Variants in DLGAP1 observed in about 807,000 individuals in gnomAD.
DLGAP1 encodes disks large-associated protein 1.
In DLGAP1, 11 loss-of-function variants were observed where a neutral mutation model predicts 90.8. The ratio of observed to expected loss-of-function variants is 0.12; its 90% CI spans 0.08 to 0.20. DLGAP1 has a LOEUF of 0.20. Ranked by LOEUF, DLGAP1 falls within the 10% of genes least tolerant of loss-of-function variation. DLGAP1 has a pLI of 1.00. For synonymous variants in DLGAP1, 558 were observed against 540.7 expected, an observed-to-expected ratio of 1.03 and a Z score of -0.44; for missense variants, 1,050 against 1,333.8, an observed-to-expected ratio of 0.79 and a Z score of 3.31.
chr18:3,566,301 C>A (rs139308085), intron 9 of DLGAP1, among the ~76,000 whole-genome samples: 2,684 of 151,964 alleles, frequency 0.018, 36 homozygotes, highest in Middle Eastern at 0.034. Context: ...ATGATCGTAC[C>A]AGTTTTCTGG....
At chr18:3,713,902 A>G (rs1216032911) in intron 7 of DLGAP1, among the ~76,000 whole-genome samples, 1 of 152,200 alleles carries the variant, frequency 6.6e-6, no homozygotes, top group Non-Finnish European at 1.5e-5. Context: ...ATGTTGGATT[A>G]CATAGGAAAA....
At chr18:4,075,354 G>A (rs2075507928) in intron 2 of DLGAP1, among the ~76,000 whole-genome samples, 1 of 152,124 alleles carries the variant, frequency 6.6e-6, no homozygotes, top group Non-Finnish European at 1.5e-5. Context: ...TAGGGAGAAA[G>A]CAAATATAAC....
At chr18:3,964,783 G>C (rs2073285433) in intron 3 of DLGAP1, among the ~76,000 whole-genome samples, 1 of 152,122 alleles carries the variant, frequency 6.6e-6, no homozygotes, top group African/African-American at 2.4e-5. Context: ...ATCAATCAAG[G>C]GTTTTTAAGA....
intron 3 of DLGAP1, among the ~76,000 whole-genome samples, chr18:3,982,092 C>A (rs1403533304): frequency 1.3e-5 from 2 of 151,864 alleles, no homozygotes; most frequent in Non-Finnish European, 2.9e-5. Flanking sequence ...GCTCTTGGGG[C>A]AGATAAAATA....
intron 4 of DLGAP1, among the ~76,000 whole-genome samples, chr18:3,837,603 C>T (rs948251677): frequency 2.6e-5 from 4 of 152,088 alleles, no homozygotes; most frequent in Admixed American, 6.5e-5. Flanking sequence ...AATTCTAGCA[C>T]TTCGGGAGGC....
Position 4,210,627 on chromosome 18 carries a change from AAG to A in DLGAP1, c.-266-59342_-266-59341del, listed in dbSNP as rs552775167. On this transcript the variant is annotated intron_variant, in intron 1 of 12. Coordinates refer to ENST00000315677, the MANE Select transcript of DLGAP1 (RefSeq NM_004746.4). ...GAGGAATGGAAAACTCTGCAGATGA[AAG>A]AGGACGATGGCCTCTCGGAGAATAG... 8.0e-4 allele frequency among the ~76,000 whole-genome samples: 122 copies of A among 152,298 alleles called. 1 individual carries two copies. Among genetic ancestry groups the A allele is most frequent in the African/African-American group, 2.6e-3 (109 of 41,564 alleles).
intron 2 of DLGAP1, among the ~76,000 whole-genome samples, chr18:4,139,816 A>G (rs2076466452): frequency 6.6e-6 from 1 of 151,938 alleles, no homozygotes; most frequent in Non-Finnish European, 1.5e-5. Context: ...TGTATTTATA[A>G]TCATTACATC....
intron 1 of DLGAP1, among the ~76,000 whole-genome samples, chr18:4,269,387 TC>T (rs2079209531): frequency 6.7e-6 from 1 of 149,564 alleles, no homozygotes; most frequent in Non-Finnish European, 1.5e-5. Flanking sequence ...GGAGTCTTGC[TC>T]TGTCGCCCAG....
At chr18:4,198,505 T>A (rs753193540) in intron 1 of DLGAP1, among the ~76,000 whole-genome samples, 21 of 152,090 alleles carry the variant, frequency 1.4e-4, no homozygotes, top group South Asian at 6.2e-4. Context: ...AATGCACATT[T>A]AACGCATCAG....
intron 3 of DLGAP1, among the ~76,000 whole-genome samples, chr18:3,895,069 A>G (rs2071581296): frequency 6.6e-6 from 1 of 152,194 alleles, no homozygotes; most frequent in Admixed American, 6.5e-5. Flanking sequence ...CTCAGGTGTC[A>G]GTATTAACAA....
chr18:4,226,850 C>T, intron 1 of DLGAP1, among the ~76,000 whole-genome samples: 1 of 151,904 alleles, frequency 6.6e-6, no homozygotes, highest in Non-Finnish European at 1.5e-5. Flanking sequence ...AAGAATAAGT[C>T]CTTACTTGTC....
chr18:4,269,885 T>G (rs534297750), intron 1 of DLGAP1, among the ~76,000 whole-genome samples: 1 of 152,312 alleles, frequency 6.6e-6, no homozygotes, highest in East Asian at 1.9e-4. Context: ...GTCCTGAACT[T>G]ATGTCTGTTT....
chr18:4,324,444 A>ATAAT (rs1467847108), intron 1 of DLGAP1, among the ~76,000 whole-genome samples: 1 of 152,030 alleles, frequency 6.6e-6, no homozygotes, highest in Non-Finnish European at 1.5e-5. Context: ...ATGTATAAAC[A>ATAAT]GGAGCTGGTG....
intron 7 of DLGAP1, chr18:3,603,057 G>C (rs1235684961): frequency 6.6e-6 from 1 of 152,202 alleles, no homozygotes; most frequent in Admixed American, 6.5e-5. Flanking sequence ...GCAGAAACTA[G>C]AGCTAGTCTT....
chr18:3,734,854 T>C (rs2062578378), intron 6 of DLGAP1, among the ~76,000 whole-genome samples: 2 of 152,178 alleles, frequency 1.3e-5, no homozygotes, highest in African/African-American at 4.8e-5. Context: ...CTCCCACCAA[T>C]TGTATTTTAA....
At chr18:4,287,569 C>T (rs999967572) in intron 1 of DLGAP1, among the ~76,000 whole-genome samples, 1 of 152,154 alleles carries the variant, frequency 6.6e-6, no homozygotes, top group African/African-American at 2.4e-5. Context: ...TGGAAACCAT[C>T]ATTCTCGGCA....
chr18:4,140,696 C>G (rs1432906315), intron 2 of DLGAP1, among the ~76,000 whole-genome samples: 1 of 151,988 alleles, frequency 6.6e-6, no homozygotes, highest in East Asian at 1.9e-4. Flanking sequence ...GATTAAAGTA[C>G]TCCCTTTAGC....
At chr18:4,178,578 T>C (rs1362560601) in intron 1 of DLGAP1, among the ~76,000 whole-genome samples, 1 of 152,182 alleles carries the variant, frequency 6.6e-6, no homozygotes, top group Non-Finnish European at 1.5e-5. Context: ...GTTTAGTATA[T>C]GGTTCAGTAA....
intron 2 of DLGAP1, among the ~76,000 whole-genome samples, chr18:4,109,133 C>T (rs984358589): frequency 2.7e-5 from 4 of 150,362 alleles, no homozygotes; most frequent in Non-Finnish European, 5.9e-5. Flanking sequence ...CCAGGTCCAG[C>T]TTGTAACTGA....
Sources: gnomAD v4.1 joint callset for allele counts (sites outside exome capture counted in the v4.1 genomes callset) on GRCh38, gnomAD v4.1.1 for gene constraint, MANE v1.5 for transcripts, NCBI Gene and HGNC (gene_info 2026-07-23, HGNC 2026-07-21) for gene names.